Variants in PTPRE observed in about 807,000 individuals in gnomAD.
PTPRE encodes the protein protein tyrosine phosphatase receptor type E, also known as receptor-type tyrosine-protein phosphatase epsilon.
PTPRE carries 51 observed loss-of-function variants against 102.0 expected under a neutral mutation model. The ratio of observed to expected loss-of-function variants is 0.50; its 90% CI spans 0.40 to 0.63. The LOEUF is 0.63. PTPRE is among the 30% of genes least tolerant of loss of function. The pLI, the probability that PTPRE is intolerant of heterozygous loss-of-function variation, is 0.00. For synonymous variants in PTPRE, 345 were observed against 348.2 expected (o/e 0.99, Z 0.10); for missense variants, 752 against 915.1 (o/e 0.82, Z 2.30).
intron 1 of PTPRE, among the ~76,000 whole-genome samples, chr10:127,920,603 G>C (rs1846526522): frequency 6.6e-6 from 1 of 152,170 alleles, no homozygotes; most frequent in Non-Finnish European, 1.5e-5. Context: ...CTTCTTTCGT[G>C]GACTTCCCTG....
At chr10:127,921,127 C>A (rs980307579) in intron 1 of PTPRE, among the ~76,000 whole-genome samples, 1 of 152,224 alleles carries the variant, frequency 6.6e-6, no homozygotes, top group African/African-American at 2.4e-5. Flanking sequence ...GGGTCCAGGG[C>A]AATAAATGAA....
intron 1 of PTPRE, among the ~76,000 whole-genome samples, chr10:127,921,484 G>C (rs1406364682): frequency 1.3e-5 from 2 of 152,198 alleles, no homozygotes; most frequent in Non-Finnish European, 2.9e-5. Flanking sequence ...GAAGGCCGGG[G>C]TAGACACCTG....
chr10:128,060,912 T>G, intron 7 of PTPRE, 27 bp from the exon 8 acceptor site: 1 of 1,603,938 alleles, frequency 6.2e-7, no homozygotes, highest in Non-Finnish European at 8.5e-7. Context: ...TCCTAATATC[T>G]TGGCTTTGTT....
intron 1 of PTPRE, among the ~76,000 whole-genome samples, chr10:127,908,217 G>T (rs1488622714): frequency 6.6e-6 from 1 of 152,178 alleles, no homozygotes; most frequent in African/African-American, 2.4e-5. Context: ...ACAGCTCTCT[G>T]CTTGTATTTT....
At chr10:128,026,225 A>C (rs1277468321) in intron 2 of PTPRE, among the ~76,000 whole-genome samples, 1 of 152,086 alleles carries the variant, frequency 6.6e-6, no homozygotes, top group African/African-American at 2.4e-5. Flanking sequence ...CGGTGGGCAA[A>C]TGCTTCACCA....
chr10:128,025,993 C>T (rs1458631942), intron 2 of PTPRE, among the ~76,000 whole-genome samples: 5 of 152,208 alleles, frequency 3.3e-5, no homozygotes, highest in Non-Finnish European at 7.3e-5. Flanking sequence ...AGTACAATCT[C>T]CCAGGGTGTG....
intron 3 of PTPRE, among the ~76,000 whole-genome samples, chr10:128,043,344 C>T (rs528705084): frequency 6.6e-6 from 1 of 152,346 alleles, no homozygotes; most frequent in African/African-American, 2.4e-5. Flanking sequence ...ATCAGGTTCT[C>T]TTAAGGAGCA....
chr10:128,035,500 C>T lies in PTPRE; in HGVS notation c.-7-5375C>T, dbSNP rs532109823. ...TTTGGATGAGAAATTACATGGGACCCATTCCAGGGGCTCTCTTTAAGTGCG... is the reference window on the plus strand; with the variant it reads ...TTTGGATGAGAAATTACATGGGACCTATTCCAGGGGCTCTCTTTAAGTGCG... On this transcript the variant is annotated intron_variant, in intron 2 of 20. Transcript: ENST00000254667. Among the ~76,000 whole-genome samples the T allele has an allele frequency of 2.4e-3, 372 of 152,308 alleles. 1 individual carries two copies. Among genetic ancestry groups the T allele is most frequent in the Non-Finnish European group, 3.9e-3 (264 of 68,016 alleles).
chr10:127,999,732 T>C (rs1359385761), intron 2 of PTPRE: 9 of 985,058 alleles, frequency 9.1e-6, no homozygotes, highest in Non-Finnish European at 1.1e-5. Context: ...CTCCTGTAAA[T>C]TTCTCCCTGC....
At chr10:127,971,774 C>T (rs754510989) in intron 1 of PTPRE, among the ~76,000 whole-genome samples, 16 of 152,312 alleles carry the variant, frequency 1.1e-4, no homozygotes, top group African/African-American at 2.2e-4. Flanking sequence ...CTACAGATCC[C>T]GGCCAGCCAT....
chr10:128,078,032 T>TG (rs1477753266), intron 19 of PTPRE, among the ~76,000 whole-genome samples: 1 of 152,234 alleles, frequency 6.6e-6, no homozygotes, highest in Non-Finnish European at 1.5e-5. Flanking sequence ...AGGGTGGAGT[T>TG]GGGAAACCAC....
intron 20 of PTPRE, among the ~76,000 whole-genome samples, chr10:128,080,474 A>T (rs951397959): frequency 5.9e-5 from 9 of 152,174 alleles, no homozygotes; most frequent in African/African-American, 2.2e-4. Context: ...AGGACACCTG[A>T]GCTGAGGGCG....
At chr10:127,996,209 G>C (rs1853249895) in intron 2 of PTPRE, among the ~76,000 whole-genome samples, 2 of 152,226 alleles carry the variant, frequency 1.3e-5, no homozygotes, top group African/African-American at 4.8e-5. Flanking sequence ...AGCTTCCGTT[G>C]CTTGGCAACA....
intron 1 of PTPRE, among the ~76,000 whole-genome samples, chr10:127,914,990 CA>C (rs1190295558): frequency 1.3e-5 from 2 of 152,156 alleles, no homozygotes; most frequent in East Asian, 3.9e-4. Context: ...GGGAGGAAAT[CA>C]GTATGAATTA....
Position 128,070,900 on chromosome 10 carries a change from G to T in PTPRE, c.1386G>T (p.Pro462=). ...MKKARVIQII[P]YDFNRVILSM... ...AGGCCAGGGTCATCCAGATCATCCCGTGTAAGGCACCCGTGGCGTGGCTTG... is the reference window on the plus strand; with the variant it reads ...AGGCCAGGGTCATCCAGATCATCCCTTGTAAGGCACCCGTGGCGTGGCTTG... Residue 462 remains proline (P), a splice_region_variant and synonymous_variant, in exon 15 of 21, where the codon CCG becomes CCT. Transcript: ENST00000254667. This position sits in a 1 kb window ranked among gnomAD's most constrained non-coding sequence, Gnocchi z 4.8. 1 of 1,613,262 alleles carries T rather than the reference G, an allele frequency of 6.2e-7. No individual in the cohort carries two copies. Among genetic ancestry groups the T allele is most frequent in the African/African-American group, 1.3e-5 (1 of 75,034 alleles).
At chr10:127,928,365 G>C (rs2135220394) in intron 1 of PTPRE, among the ~76,000 whole-genome samples, 1 of 152,334 alleles carries the variant, frequency 6.6e-6, no homozygotes, top group African/African-American at 2.4e-5. Flanking sequence ...CAACAGGCCT[G>C]TGTTTGTTTC....
intron 2 of PTPRE, chr10:127,999,452 C>A: frequency 1.4e-6 from 1 of 715,258 alleles, no homozygotes. Flanking sequence ...TTTCTTCCTC[C>A]CTGTGGGCTG....
chr10:128,064,904 G>A (rs1429118178), intron 10 of PTPRE, among the ~76,000 whole-genome samples: 1 of 152,188 alleles, frequency 6.6e-6, no homozygotes, highest in East Asian at 1.9e-4. Context: ...TGGGAGGGAG[G>A]CAGAGGGAGG....
At chr10:127,939,853 TG>T (rs1848100049) in intron 1 of PTPRE, among the ~76,000 whole-genome samples, 1 of 143,910 alleles carries the variant, frequency 6.9e-6, no homozygotes, top group Admixed American at 6.9e-5. Flanking sequence ...CAGGCAGATG[TG>T]GGCAGGTGGA....
Sources: allele counts gnomAD v4.1 joint callset (sites outside exome capture counted in the v4.1 genomes callset), GRCh38; gene constraint gnomAD v4.1.1; non-coding constraint Gnocchi (gnomAD v3.1); transcripts MANE v1.5; gene names NCBI Gene and HGNC (gene_info 2026-07-23, HGNC 2026-07-21).